IFT25: variants seen among roughly 807,000 people sequenced by gnomAD.
IFT25 encodes intraflagellar transport protein 25 homolog.
At chr1:53,926,351 T>C in the IFT25 span, among the ~76,000 whole-genome samples, 1 of 152,132 alleles carries the variant, frequency 6.6e-6, no homozygotes, top group Non-Finnish European at 1.5e-5. Flanking sequence ...GATTTCTCCA[T>C]GTTGCCCAGG....
chr1:53,935,703 G>A, the IFT25 span, among the ~76,000 whole-genome samples: 2 of 151,684 alleles, frequency 1.3e-5, no homozygotes, highest in South Asian at 4.2e-4. Context: ...AAACTTCTGG[G>A]CTCAAGTGAT....
At chr1:53,928,345 T>A in the IFT25 span, 1 of 1,558,904 alleles carries the variant, frequency 6.4e-7, no homozygotes, top group East Asian at 2.2e-5. Context: ...TCCTTCATGC[T>A]CAGAACAATG....
the IFT25 span, among the ~76,000 whole-genome samples, chr1:53,922,581 G>C: frequency 6.6e-6 from 1 of 152,092 alleles, no homozygotes; most frequent in Non-Finnish European, 1.5e-5. Flanking sequence ...CTTGCACCCA[G>C]TAATTCTATT....
chr1:53,936,189 G>A, the IFT25 span, among the ~76,000 whole-genome samples: 1 of 152,198 alleles, frequency 6.6e-6, no homozygotes, highest in African/African-American at 2.4e-5. Flanking sequence ...TCGGAAGGCT[G>A]AGGCAGAAGA....
At chr1:53,927,095 T>C in the IFT25 span, among the ~76,000 whole-genome samples, 1 of 152,222 alleles carries the variant, frequency 6.6e-6, no homozygotes, top group East Asian at 1.9e-4. Context: ...CCTCTACATT[T>C]CTTATAGATT....
the IFT25 span, chr1:53,921,777 A>G: frequency 3.3e-6 from 5 of 1,535,358 alleles, no homozygotes; most frequent in Admixed American, 1.7e-5. Context: ...CCTGTATGGG[A>G]AAAAAATCAA....
At chr1:53,938,498 AAGGAAG>A in the IFT25 span, among the ~76,000 whole-genome samples, 18 of 152,236 alleles carry the variant, frequency 1.2e-4, no homozygotes, top group African/African-American at 4.3e-4. Flanking sequence ...ACTACGCTTC[AAGGAAG>A]AGGCTGAGTT....
At chr1:53,938,539 G>A in the IFT25 span, among the ~76,000 whole-genome samples, 1 of 152,122 alleles carries the variant, frequency 6.6e-6, no homozygotes, top group African/African-American at 2.4e-5. Context: ...CAGATACATG[G>A]GCTTCAAGAT....
At chr1:53,941,373 C>T in the IFT25 span, among the ~76,000 whole-genome samples, 7 of 152,194 alleles carry the variant, frequency 4.6e-5, no homozygotes, top group African/African-American at 7.2e-5. Flanking sequence ...TAAAGGCATG[C>T]ACCACTGTGC....
chr1:53,933,312 T>A, the IFT25 span, among the ~76,000 whole-genome samples: 1 of 152,066 alleles, frequency 6.6e-6, no homozygotes, highest in Non-Finnish European at 1.5e-5. Context: ...TTTTTTTTAT[T>A]TTTAGTAGAT....
At chr1:53,941,285 G>A in the IFT25 span, among the ~76,000 whole-genome samples, 13 of 152,114 alleles carry the variant, frequency 8.5e-5, no homozygotes, top group Admixed American at 2.6e-4. Flanking sequence ...GAGCCACCGC[G>A]CCCGGCTTGC....
the IFT25 span, among the ~76,000 whole-genome samples, chr1:53,913,515 A>C: frequency 2.6e-5 from 4 of 152,154 alleles, no homozygotes; most frequent in Non-Finnish European, 5.9e-5. Context: ...CAGGTGGCGC[A>C]ATCTGCAACT....
chr1:53,929,755 T>A, the IFT25 span: 1 of 283,818 alleles, frequency 3.5e-6, no homozygotes, highest in East Asian at 7.6e-5. Flanking sequence ...CAAAGACTTT[T>A]ACATAGTAAA....
At chr1:53,945,394 G>A in the IFT25 span, among the ~76,000 whole-genome samples, 2 of 152,158 alleles carry the variant, frequency 1.3e-5, no homozygotes, top group Non-Finnish European at 2.9e-5. Flanking sequence ...GCGGGCCCGC[G>A]TCAGACCTCC....
chr1:53,913,513 G>A, the IFT25 span, among the ~76,000 whole-genome samples: 188 of 152,252 alleles, frequency 1.2e-3, 1 homozygote, highest in African/African-American at 4.1e-3. Flanking sequence ...GTCAGGTGGC[G>A]CAATCTGCAA....
chr1:53,919,259 A>G, the IFT25 span, among the ~76,000 whole-genome samples: 1 of 152,202 alleles, frequency 6.6e-6, no homozygotes, highest in East Asian at 1.9e-4. Flanking sequence ...GCAAACAGAG[A>G]CTCAAAGACC....
At chr1:53,929,184 G>A in the IFT25 span, among the ~76,000 whole-genome samples, 8 of 152,294 alleles carry the variant, frequency 5.3e-5, no homozygotes, top group Admixed American at 4.6e-4. Context: ...CTGGGGTGGG[G>A]AAGGGAGATC....
the IFT25 span, among the ~76,000 whole-genome samples, chr1:53,927,740 C>G: frequency 6.6e-6 from 1 of 152,158 alleles, no homozygotes; most frequent in South Asian, 2.1e-4. Context: ...AAGTGGCTTG[C>G]TTCTTATTGA....
the IFT25 span, among the ~76,000 whole-genome samples, chr1:53,914,962 T>C: frequency 6.6e-6 from 1 of 152,264 alleles, no homozygotes; most frequent in African/African-American, 2.4e-5. Flanking sequence ...AAATTTTTAC[T>C]TTTTTATCCA....
Sources: allele counts gnomAD v4.1 joint callset (sites outside exome capture counted in the v4.1 genomes callset), GRCh38; gene constraint gnomAD v4.1.1; transcripts MANE v1.5; gene names NCBI Gene and HGNC (gene_info 2026-07-23, HGNC 2026-07-21).